The following PLXNC1 variants were observed in gnomAD, a reference collection of about 807,000 sequenced individuals.
PLXNC1 encodes the protein plexin C1, also known as plexin-C1.
A neutral mutation model predicts 178.2 loss-of-function variants in PLXNC1; 75 were observed. The observed-to-expected ratio is 0.42, with a 90% CI of 0.35 to 0.51. The LOEUF is 0.51. PLXNC1 is among the 20% of genes least tolerant of loss of function. The pLI is 0.02. For synonymous variants in PLXNC1, 790 were observed against 779.9 expected, an observed-to-expected ratio of 1.01 and a Z score of -0.22; for missense variants, 1,503 against 1,984.4, an observed-to-expected ratio of 0.76 and a Z score of 4.61.
intron 2 of PLXNC1, among the ~76,000 whole-genome samples, chr12:94,177,513 AAG>A (rs972696544): frequency 7.7e-6 from 1 of 129,470 alleles, no homozygotes; most frequent in South Asian, 2.4e-4. Context: ...CAAAGAAAGA[AAG>A]AGAGAGAGAG....
rs375376881 is a variant in PLXNC1 at position 94,263,864 on chromosome 12, G to C, written c.3451-1215G>C. On this transcript the variant is annotated intron_variant, in intron 20 of 30. Transcript: ENST00000258526. ...GGAAGCCCGGGGACTGGGGAGGGCA[G>C]ATATTCCTGCAGCAAGTATAAAGGA... Among the ~76,000 whole-genome samples, 29 of 152,130 alleles carry C rather than the reference G, an allele frequency of 1.9e-4. 3 individuals are homozygous for C. Among genetic ancestry groups the C allele is most frequent in the Admixed American group, 1.8e-3 (27 of 15,278 alleles).
chr12:94,257,773 G>A (rs1181085741), intron 17 of PLXNC1, among the ~76,000 whole-genome samples: 2 of 152,140 alleles, frequency 1.3e-5, no homozygotes, highest in Non-Finnish European at 2.9e-5. Flanking sequence ...CAGGCATGGT[G>A]GCGGGCGCCT....
chr12:94,188,749 A>G (rs1016879558), intron 4 of PLXNC1, among the ~76,000 whole-genome samples: 4 of 152,270 alleles, frequency 2.6e-5, no homozygotes, highest in African/African-American at 9.6e-5. Context: ...GTCTTTCAGC[A>G]GGTGGAAGAA....
At chr12:94,219,823 A>ATTTATTTATTTGTTTATTTATTTT (rs1963743725) in intron 5 of PLXNC1, among the ~76,000 whole-genome samples, 193 bp from the exon 6 acceptor site, 1 of 51,434 alleles carries the variant, frequency 1.9e-5, no homozygotes. Context: ...TTATTTATTT[A>ATTTATTTATTTGTTTATTTATTTT]TTTATTTATT....
intron 22 of PLXNC1, 144 bp downstream of exon 22, chr12:94,279,793 C>A: frequency 1.3e-6 from 1 of 775,438 alleles, no homozygotes; most frequent in Non-Finnish European, 2.2e-6. Flanking sequence ...GAGGGCATGT[C>A]TAGGGGCCAA....
At chr12:94,277,354 G>A (rs576011869) in intron 21 of PLXNC1, among the ~76,000 whole-genome samples, 106 of 152,232 alleles carry the variant, frequency 7.0e-4, no homozygotes, top group African/African-American at 2.5e-3. Flanking sequence ...CCTGGAGTTA[G>A]GGGGACATCA....
At chr12:94,200,395 T>C (rs1407495593) in intron 4 of PLXNC1, among the ~76,000 whole-genome samples, 1 of 152,216 alleles carries the variant, frequency 6.6e-6, no homozygotes, top group Non-Finnish European at 1.5e-5. Flanking sequence ...CCAAACACAA[T>C]GTTCAGGTCT....
intron 1 of PLXNC1, chr12:94,168,437 C>T (rs1395528481): frequency 6.6e-6 from 1 of 152,216 alleles, no homozygotes; most frequent in African/African-American, 2.4e-5. Flanking sequence ...TGATCAGGAC[C>T]AAGCGTGTGA....
At chr12:94,186,250 G>A (rs1962503797) in intron 3 of PLXNC1, 123 bp from the exon 4 acceptor site, 6 of 664,286 alleles carry the variant, frequency 9.0e-6, no homozygotes, top group Middle Eastern at 3.5e-4. Context: ...CCCAGTGCCA[G>A]TATGGAGGTG....
intron 5 of PLXNC1, among the ~76,000 whole-genome samples, chr12:94,219,682 G>A (rs1453480814): frequency 6.6e-6 from 1 of 152,066 alleles, no homozygotes; most frequent in East Asian, 1.9e-4. Context: ...ACCATACAGA[G>A]AGCTCTTGAA....
In PLXNC1 at chr12:94,160,787, G is replaced by C. The variant is rs369301081; in HGVS notation, c.1063-8366G>C. Reference sequence around the variant, plus strand: ...TTTAATGCATGAAATGAAAACATTGGATTGCAAAATAGATGTAATATATTA... The same window carrying C: ...TTTAATGCATGAAATGAAAACATTGCATTGCAAAATAGATGTAATATATTA... On this transcript the variant is annotated intron_variant, in intron 1 of 30. Transcript: ENST00000258526. 9.9e-4 allele frequency among the ~76,000 whole-genome samples: 151 copies of C among 152,274 alleles called. 1 individual carries two copies. The South Asian group carries it at 0.03, about 30-fold the overall frequency.
In PLXNC1 at chr12:94,304,603, A is replaced by G. The variant is rs372478341; in HGVS notation, c.4602+552A>G. Among the ~76,000 whole-genome samples the G allele has an allele frequency of 5.3e-4, 81 of 151,844 alleles. 1 individual carries two copies. Among genetic ancestry groups the G allele is most frequent in the East Asian group, 3.3e-3 (17 of 5,160 alleles). Reference sequence around the variant, plus strand: ...CTCCCCCTTCCCTGATTCCCCCCCAATCATGCTGGGACAGGCTATCCATGT... The same window carrying G: ...CTCCCCCTTCCCTGATTCCCCCCCAGTCATGCTGGGACAGGCTATCCATGT... On this transcript the variant is annotated intron_variant, in intron 30 of 30. Coordinates refer to ENST00000258526, the MANE Select transcript of PLXNC1 (RefSeq NM_005761.3).
chr12:94,203,657 C>T (rs549700206), intron 4 of PLXNC1, among the ~76,000 whole-genome samples: 1 of 152,300 alleles, frequency 6.6e-6, no homozygotes, highest in South Asian at 2.1e-4. Flanking sequence ...CTCTCTGCAC[C>T]TCCGTTTCTC....
Position 94,305,538 on chromosome 12 carries a change from G to A in PLXNC1, c.*253G>A. 1 of 423,172 alleles carries A rather than the reference G, an allele frequency of 2.4e-6. No individual in the cohort carries two copies. The highest frequency in any genetic ancestry group is 4.3e-6 in the Non-Finnish European group (1 of 234,528). The allele number at this position is 423,172 out of a possible 1,614,324, so 26.2% of individuals were successfully genotyped here. A position where few individuals can be genotyped will look rare whatever the true frequency, so the allele number is the denominator to read the frequency against. ...GTTGCAAACAGCCTCCTTGTTTACA[G>A]AGAATACAAGGCCAGTAAGCGAATG... On this transcript the variant is annotated 3_prime_UTR_variant, in exon 31 of 31. Coordinates refer to ENST00000258526, the MANE Select transcript of PLXNC1 (RefSeq NM_005761.3).
At position 94,305,343 on chromosome 12, in the gene PLXNC1, G is replaced by A. The variant is rs999363501; in HGVS notation, c.*58G>A. ...TCTTCAGACGACTTGGGAGCAAAATGGCTGCTTGAGCTACTCTGTGTCGTT... is the reference window on the plus strand; with the variant it reads ...TCTTCAGACGACTTGGGAGCAAAATAGCTGCTTGAGCTACTCTGTGTCGTT... On this transcript the variant is annotated 3_prime_UTR_variant, in exon 31 of 31. Coordinates refer to ENST00000258526, the MANE Select transcript of PLXNC1 (RefSeq NM_005761.3). 4 of 972,106 alleles carry A rather than the reference G, an allele frequency of 4.1e-6. No homozygotes were observed. Among genetic ancestry groups the A allele is most frequent in the Admixed American group, 4.0e-5 (2 of 50,546 alleles). The allele number at this position is 972,106 out of a possible 1,614,324, so 60.2% of individuals were successfully genotyped here.
chr12:94,223,459 C>T (rs1447747948), intron 6 of PLXNC1, among the ~76,000 whole-genome samples: 1 of 152,160 alleles, frequency 6.6e-6, no homozygotes, highest in Non-Finnish European at 1.5e-5. Context: ...CCTGGGTCCA[C>T]CCCAGGCTTG....
Position 94,272,672 on chromosome 12 carries a change from A to G in PLXNC1, c.3598-6800A>G, listed in dbSNP as rs143983039. Among the ~76,000 whole-genome samples the G allele has an allele frequency of 2.5e-3, 379 of 152,318 alleles. 3 individuals are homozygous for G. Among genetic ancestry groups the G allele is most frequent in the African/African-American group, 8.9e-3 (368 of 41,578 alleles). Reference sequence around the variant, plus strand: ...TGTAATCCCAGCACTTTGGAGGCCAAGGTGGGAGGATCATTTGAGCCCACT... The same window carrying G: ...TGTAATCCCAGCACTTTGGAGGCCAGGGTGGGAGGATCATTTGAGCCCACT... On this transcript the variant is annotated intron_variant, in intron 21 of 30. Transcript: ENST00000258526.
intron 21 of PLXNC1, among the ~76,000 whole-genome samples, chr12:94,271,574 C>T (rs1965573827): frequency 6.6e-6 from 1 of 152,230 alleles, no homozygotes; most frequent in African/African-American, 2.4e-5. Context: ...TGAATCTGGG[C>T]TCAGCCACTT....
intron 4 of PLXNC1, among the ~76,000 whole-genome samples, chr12:94,197,750 C>T (rs1476719434): frequency 6.6e-6 from 1 of 152,068 alleles, no homozygotes; most frequent in Non-Finnish European, 1.5e-5. Flanking sequence ...ATGGATTCAA[C>T]TCTGGGCTTA....
Sources: allele counts gnomAD v4.1 joint callset (sites outside exome capture counted in the v4.1 genomes callset), GRCh38; gene constraint gnomAD v4.1.1; transcripts MANE v1.5; gene names NCBI Gene and HGNC (gene_info 2026-07-23, HGNC 2026-07-21).